Variants in NKAIN2 observed in about 807,000 individuals in gnomAD.
NKAIN2 encodes the protein sodium/potassium transporting ATPase interacting 2.
In NKAIN2, 14 loss-of-function variants were observed where a neutral mutation model predicts 32.6. That is an observed-to-expected ratio of 0.43 (90% confidence interval 0.28 to 0.67). NKAIN2 has a LOEUF of 0.67. NKAIN2 is among the 30% of genes least tolerant of loss of function. NKAIN2 has a pLI of 0.17. For synonymous variants in NKAIN2, 80 were observed against 87.2 expected, an observed-to-expected ratio of 0.92 and a Z score of 0.46; for missense variants, 198 against 258.3, an observed-to-expected ratio of 0.77 and a Z score of 1.60.
At chr6:124,813,977 G>A (rs1046350137) in intron 5 of NKAIN2, among the ~76,000 whole-genome samples, 4 of 152,140 alleles carry the variant, frequency 2.6e-5, no homozygotes, top group African/African-American at 9.7e-5. Context: ...CTGAATAAAT[G>A]TCATTATATA....
chr6:124,725,401 G>A (rs1050801051), intron 4 of NKAIN2, among the ~76,000 whole-genome samples: 1 of 152,060 alleles, frequency 6.6e-6, no homozygotes, highest in East Asian at 1.9e-4. Flanking sequence ...ATCGCACCCA[G>A]CCCCTTATGC....
chr6:124,025,415 A>G (rs1781061426), intron 1 of NKAIN2, among the ~76,000 whole-genome samples: 1 of 151,942 alleles, frequency 6.6e-6, no homozygotes, highest in Non-Finnish European at 1.5e-5. Flanking sequence ...ACACCTCCCA[A>G]TTTCCTGGCA....
At position 123,827,022 on chromosome 6, in the gene NKAIN2, G is replaced by T. The variant is rs763590625; in HGVS notation, c.54+22768G>T. ...CTGACACTTATTTTCTGTTTTTTTT[G>T]ATAATAGTCATCCTAAAGTATGTGA... On this transcript the variant is annotated intron_variant, in intron 1 of 6. Coordinates refer to ENST00000368417, the MANE Select transcript of NKAIN2 (RefSeq NM_001040214.3). 4.9e-4 allele frequency among the ~76,000 whole-genome samples: 75 copies of T among 151,952 alleles called. No homozygotes were observed. The Middle Eastern group carries it at 0.014, about 28-fold the overall frequency.
chr6:124,530,668 C>G (rs895821834), intron 3 of NKAIN2, among the ~76,000 whole-genome samples: 2 of 152,114 alleles, frequency 1.3e-5, no homozygotes, highest in African/African-American at 4.8e-5. Context: ...GCTGGAGACC[C>G]AGAAAATCTG....
At chr6:123,927,253 C>T (rs1243759565) in intron 1 of NKAIN2, among the ~76,000 whole-genome samples, 1 of 152,110 alleles carries the variant, frequency 6.6e-6, no homozygotes, top group East Asian at 1.9e-4. Flanking sequence ...AAAGTAGAAT[C>T]TTTTTCTTTA....
chr6:124,021,699 T>A (rs897044401), intron 1 of NKAIN2, among the ~76,000 whole-genome samples: 2 of 152,026 alleles, frequency 1.3e-5, no homozygotes, highest in Non-Finnish European at 2.9e-5. Flanking sequence ...CTTTCCCATC[T>A]ATATATATCT....
At chr6:124,159,173 C>A (rs1006135867) in intron 1 of NKAIN2, among the ~76,000 whole-genome samples, 3 of 152,112 alleles carry the variant, frequency 2.0e-5, no homozygotes, top group Non-Finnish European at 4.4e-5. Flanking sequence ...TATGAAAGAG[C>A]CTCACATTTT....
intron 4 of NKAIN2, among the ~76,000 whole-genome samples, chr6:124,664,558 G>A (rs1390274232): frequency 6.6e-6 from 1 of 151,124 alleles, no homozygotes; most frequent in East Asian, 2.0e-4. Context: ...TTCTTGGGAG[G>A]CCGAGGCGGG....
chr6:124,766,708 C>G (rs1320236901), intron 4 of NKAIN2, among the ~76,000 whole-genome samples: 1 of 152,114 alleles, frequency 6.6e-6, no homozygotes, highest in African/African-American at 2.4e-5. Context: ...CGAGGAAAAG[C>G]TAGGCTCTTG....
rs140308583 is a variant in NKAIN2, at chr6:123,945,670, C to T, written c.54+141416C>T. The stretch of plus-strand genomic sequence containing the variant: ...TGTGAAGCTGACTTACTCCCTTCTC[C>T]TTTTTGTGTTTTAGCAAGCAGAACT... On this transcript the variant is annotated intron_variant, in intron 1 of 6. Transcript: ENST00000368417. Among the ~76,000 whole-genome samples the T allele has an allele frequency of 1.4e-3, 220 of 152,190 alleles. 6 individuals are homozygous for T. The South Asian group carries it at 0.021, about 14-fold the overall frequency.
intron 1 of NKAIN2, among the ~76,000 whole-genome samples, chr6:123,813,232 T>C (rs1049566725): frequency 6.6e-6 from 1 of 152,204 alleles, no homozygotes; most frequent in African/African-American, 2.4e-5. Flanking sequence ...GGAGAAGGGC[T>C]GTGCTGATTG....
chr6:124,357,855 C>A (rs1313552588), intron 3 of NKAIN2, among the ~76,000 whole-genome samples: 1 of 152,004 alleles, frequency 6.6e-6, no homozygotes, highest in Non-Finnish European at 1.5e-5. Context: ...ATACATGTGC[C>A]ATGTTGGTGT....
At chr6:124,169,017 G>T (rs543306035) in intron 1 of NKAIN2, among the ~76,000 whole-genome samples, 3 of 152,104 alleles carry the variant, frequency 2.0e-5, no homozygotes, top group South Asian at 2.1e-4. Flanking sequence ...TGCTCTTCTT[G>T]TATACTTTTG....
chr6:124,422,268 A>T (rs1774789758), intron 3 of NKAIN2, among the ~76,000 whole-genome samples: 1 of 151,964 alleles, frequency 6.6e-6, no homozygotes. Context: ...TCTTTGTGGG[A>T]TCTCTTAAGT....
At chr6:124,678,835 G>C (rs571812338) in intron 4 of NKAIN2, among the ~76,000 whole-genome samples, 16 of 152,146 alleles carry the variant, frequency 1.1e-4, no homozygotes, top group Admixed American at 7.2e-4. Context: ...AACTGGCTTT[G>C]TACAGGGAAA....
At chr6:123,978,064 C>T (rs1562289007) in intron 1 of NKAIN2, among the ~76,000 whole-genome samples, 1 of 152,094 alleles carries the variant, frequency 6.6e-6, no homozygotes, top group South Asian at 2.1e-4. Flanking sequence ...TGTTTATGCA[C>T]CTTTAAGAAA....
At chr6:124,500,578 T>C (rs1276538149) in intron 3 of NKAIN2, among the ~76,000 whole-genome samples, 1 of 151,978 alleles carries the variant, frequency 6.6e-6, no homozygotes, top group Non-Finnish European at 1.5e-5. Context: ...TGCTTGAACC[T>C]GGGAGGCAGA....
chr6:124,611,946 A>T (rs1203310367), intron 3 of NKAIN2, among the ~76,000 whole-genome samples: 2 of 152,140 alleles, frequency 1.3e-5, no homozygotes, highest in Non-Finnish European at 2.9e-5. Context: ...ATATTCTACA[A>T]TATGTGTAGA....
chr6:124,450,353 T>C (rs530816566), intron 3 of NKAIN2, among the ~76,000 whole-genome samples: 1 of 152,178 alleles, frequency 6.6e-6, no homozygotes, highest in South Asian at 2.1e-4. Flanking sequence ...ATGTCTTCTG[T>C]TAGCAATTTA....
Sources: gnomAD v4.1 joint callset for allele counts (sites outside exome capture counted in the v4.1 genomes callset) on GRCh38, gnomAD v4.1.1 for gene constraint, MANE v1.5 for transcripts, NCBI Gene and HGNC (gene_info 2026-07-23, HGNC 2026-07-21) for gene names.